The following USP25 variants were observed in gnomAD, a reference collection of about 807,000 sequenced individuals.
USP25 encodes the protein ubiquitin carboxyl-terminal hydrolase 25.
In USP25, 85 loss-of-function variants were observed where a neutral mutation model predicts 158.5. The ratio of observed to expected loss-of-function variants is 0.54; its 90% confidence interval spans 0.45 to 0.64. The LOEUF is 0.64. Among genes scored for constraint, USP25 ranks in the 30% least tolerant of loss-of-function variants. USP25 has a pLI of 0.00. For synonymous variants in USP25, 464 were observed against 460.4 expected, an observed-to-expected ratio of 1.01 and a Z score of -0.10; for missense variants, 1,242 against 1,327.3, an observed-to-expected ratio of 0.94 and a Z score of 1.00.
intron 3 of USP25, among the ~76,000 whole-genome samples, chr21:15,769,118 T>A (rs1484876017): frequency 1.3e-5 from 2 of 152,080 alleles, no homozygotes; most frequent in African/African-American, 2.4e-5. Context: ...TATGGAGAAA[T>A]TTTTGTTTAT....
chr21:15,783,227 C>CA (rs1333379256), intron 4 of USP25, among the ~76,000 whole-genome samples: 1 of 150,098 alleles, frequency 6.7e-6, no homozygotes, highest in African/African-American at 2.4e-5. Context: ...AAAAGAATAA[C>CA]AAAGTATGAA....
intron 3 of USP25, among the ~76,000 whole-genome samples, chr21:15,771,571 A>T (rs2034354212): frequency 6.6e-6 from 1 of 152,122 alleles, no homozygotes; most frequent in Admixed American, 6.6e-5. Flanking sequence ...CGAGGGTAGG[A>T]ATGGCAGTAT....
chr21:15,779,722 G>GT (rs1480793860), intron 4 of USP25, among the ~76,000 whole-genome samples: 6 of 151,884 alleles, frequency 4.0e-5, no homozygotes, highest in Middle Eastern at 6.8e-3. Context: ...AGATAATGCT[G>GT]TTTTTTCATT....
chr21:15,827,036 T>C lies in USP25; in HGVS notation c.1526T>C (p.Val509Ala), dbSNP rs2037541681. The C allele has an allele frequency of 6.2e-7, 1 of 1,614,176 alleles. No individual in the cohort carries two copies. The highest frequency in any genetic ancestry group is 1.3e-5 in the African/African-American group (1 of 75,050). ...SELPSTSPSSVAAISSRSVIH... is the reference protein window; with the variant it reads ...SELPSTSPSSAAAISSRSVIH... ...CTGCCAAGCACATCACCTTCATCAG[T>C]TGCTGCCATTTCATCGAGATCAGTA... Residue 509 changes from valine (V) to alanine (A), a missense_variant, in exon 14 of 26, where the codon GTT becomes GCT. Transcript: ENST00000400183.
chr21:15,842,601 A>G (rs2038392655), intron 18 of USP25, 61 bp downstream of exon 18: 4 of 1,581,146 alleles, frequency 2.5e-6, no homozygotes, highest in African/African-American at 2.7e-5. Flanking sequence ...CCTCCAGTAT[A>G]GTGGAGAGGG....
chr21:15,775,874 T>A (rs11910940), intron 3 of USP25, among the ~76,000 whole-genome samples: 2,735 of 152,016 alleles, frequency 0.018, 70 homozygotes, highest in African/African-American at 0.062. Flanking sequence ...TGTTTTTTTT[T>A]ATGTTTAGTT....
chr21:15,770,261 TCA>T (rs895675798), intron 3 of USP25, among the ~76,000 whole-genome samples: 4 of 152,126 alleles, frequency 2.6e-5, no homozygotes, highest in Non-Finnish European at 4.4e-5. Context: ...TTTTGATGAC[TCA>T]CAGAAAGTCA....
At chr21:15,872,847 T>C (rs967275427) in intron 23 of USP25, among the ~76,000 whole-genome samples, 1 of 152,152 alleles carries the variant, frequency 6.6e-6, no homozygotes, top group Non-Finnish European at 1.5e-5. Context: ...AATTAAGTAA[T>C]AAACAGTAAT....
chr21:15,828,939 T>A (rs2037663019), intron 14 of USP25, among the ~76,000 whole-genome samples: 1 of 152,170 alleles, frequency 6.6e-6, no homozygotes, highest in African/African-American at 2.4e-5. Context: ...GCCTGGCTGT[T>A]AAGATTTTTA....
At chr21:15,751,329 A>G (rs75254340) in intron 1 of USP25, among the ~76,000 whole-genome samples, 1 of 152,226 alleles carries the variant, frequency 6.6e-6, no homozygotes, top group Non-Finnish European at 1.5e-5. Flanking sequence ...CATAGGACAT[A>G]TTATATAAGT....
rs576558244 is a variant in USP25, at chr21:15,786,493, C to T, written c.393-5009C>T. On this transcript the variant is annotated intron_variant, in intron 4 of 25. Transcript: ENST00000400183. ...TTCAACATACACAAATCAATAAATGCGATACATCACAGTAACAAAGAGAAC... is the reference window on the plus strand; with the variant it reads ...TTCAACATACACAAATCAATAAATGTGATACATCACAGTAACAAAGAGAAC... Among the ~76,000 whole-genome samples, 4 of 151,972 alleles carry T rather than the reference C, an allele frequency of 2.6e-5. No homozygotes were observed. In the East Asian group the frequency reaches 5.8e-4, roughly 22 times the overall value.
intron 5 of USP25, among the ~76,000 whole-genome samples, chr21:15,794,261 A>C (rs367918246): frequency 3.3e-5 from 5 of 151,648 alleles, no homozygotes; most frequent in African/African-American, 9.7e-5. Flanking sequence ...TACTGAGACC[A>C]ATATTTTGGT....
At chr21:15,837,715 A>C (rs1568871556) in intron 17 of USP25, among the ~76,000 whole-genome samples, 1 of 152,222 alleles carries the variant, frequency 6.6e-6, no homozygotes, top group Non-Finnish European at 1.5e-5. Flanking sequence ...TTAAAAAATA[A>C]GGAAACACTA....
chr21:15,853,139 A>G (rs931648073), intron 20 of USP25, among the ~76,000 whole-genome samples: 2 of 152,182 alleles, frequency 1.3e-5, no homozygotes. Flanking sequence ...ATAACAATGC[A>G]CATATACAGA....
At chr21:15,769,346 G>T (rs1039657254) in intron 3 of USP25, among the ~76,000 whole-genome samples, 1 of 151,924 alleles carries the variant, frequency 6.6e-6, no homozygotes, top group Admixed American at 6.6e-5. Flanking sequence ...TTTAGAAGTC[G>T]TACACCTCAT....
chr21:15,877,606 C>T (rs573959445), intron 24 of USP25, 190 bp from the exon 25 acceptor site: 67 of 454,926 alleles, frequency 1.5e-4, no homozygotes, highest in Non-Finnish European at 2.0e-4. Flanking sequence ...TCTGTTGTTG[C>T]CATATGCATA....
intron 1 of USP25, among the ~76,000 whole-genome samples, chr21:15,758,189 G>A (rs1157093005): frequency 7.9e-5 from 12 of 152,130 alleles, no homozygotes; most frequent in Admixed American, 2.0e-4. Context: ...TCATCCTTCT[G>A]TACATTAAAG....
intron 4 of USP25, among the ~76,000 whole-genome samples, chr21:15,780,304 T>A (rs1275693620): frequency 6.6e-6 from 1 of 152,210 alleles, no homozygotes; most frequent in Non-Finnish European, 1.5e-5. Context: ...ATTTATACGT[T>A]TCATGCTAAA....
At chr21:15,831,350 ATATAG>A (rs2037791370) in intron 15 of USP25, 46 bp from the exon 16 acceptor site, 2 of 1,532,524 alleles carry the variant, frequency 1.3e-6, no homozygotes, top group African/African-American at 2.7e-5. Flanking sequence ...GGAATGTGGT[ATATAG>A]TAAACTACAT....
Sources: gnomAD v4.1 joint callset for allele counts (sites outside exome capture counted in the v4.1 genomes callset) on GRCh38, gnomAD v4.1.1 for gene constraint, MANE v1.5 for transcripts, NCBI Gene and HGNC (gene_info 2026-07-23, HGNC 2026-07-21) for gene names.